The following CD86 variants were observed in gnomAD, a reference collection of about 807,000 sequenced individuals.
CD86 encodes the protein T-lymphocyte activation antigen CD86.
In CD86, 11 loss-of-function variants were observed where a neutral mutation model predicts 32.1. That is an observed-to-expected ratio of 0.34 (90% CI 0.22 to 0.57). CD86 has a LOEUF of 0.57. CD86 is among the 20% of genes least tolerant of loss of function. The pLI, the probability that CD86 is intolerant of heterozygous loss-of-function variation, is 0.86. For missense variants in CD86, 359 were observed against 398.4 expected (o/e 0.90, Z 0.84); for synonymous variants, 137 against 135.3 (o/e 1.01, Z -0.09).
intron 1 of CD86, among the ~76,000 whole-genome samples, chr3:122,076,526 A>G (rs1025880051): frequency 6.6e-6 from 1 of 152,200 alleles, no homozygotes; most frequent in African/African-American, 2.4e-5. Flanking sequence ...GAAATTTCCA[A>G]GGTCTGAACA....
In CD86 at chr3:122,091,746, C is replaced by T. The variant is rs1448170538; in HGVS notation, c.64+96C>T. On this transcript the variant is annotated intron_variant, in intron 2 of 6. Coordinates refer to ENST00000330540, the MANE Select transcript of CD86 (RefSeq NM_175862.5). ...CAGGCCTGAGACTTGGTGGGTTTTA[C>T]TCACTTTCTACTGAGCATTGTACAA... The T allele has an allele frequency of 4.1e-6, 4 of 975,146 alleles. No individual in the cohort carries two copies. The African/African-American group carries it at 4.8e-5, about 12-fold the overall frequency. The allele number at this position is 975,146 out of a possible 1,614,324, so 60.4% of individuals were successfully genotyped here.
Position 122,119,574 on chromosome 3 carries a change from C to T in CD86, c.*40C>T, listed in dbSNP as rs771106567. ...CCATACAAGTATTCATTTTTTCTAC[C>T]CTTTCCTTTGTAAGTTCCTGGGCAA... On this transcript the variant is annotated 3_prime_UTR_variant, in exon 7 of 7. Transcript: ENST00000330540. 8 of 1,293,564 alleles carry T rather than the reference C, an allele frequency of 6.2e-6. No individual in the cohort carries two copies. The highest frequency in any genetic ancestry group is 8.9e-6 in the Non-Finnish European group (8 of 898,848). 80.1% of individuals were successfully genotyped at this position (1,293,564 alleles called of 1,614,324 possible).
intron 4 of CD86, among the ~76,000 whole-genome samples, chr3:122,108,932 C>A (rs942015457): frequency 2.6e-5 from 4 of 152,320 alleles, no homozygotes; most frequent in East Asian, 1.9e-4. Flanking sequence ...AATGACTGCA[C>A]GTGCAGAGCC....
chr3:122,099,645 A>G (rs565374924), intron 2 of CD86, among the ~76,000 whole-genome samples: 3 of 152,322 alleles, frequency 2.0e-5, no homozygotes, highest in African/African-American at 7.2e-5. Flanking sequence ...GGGTGTGTTT[A>G]TTGAAGTTGT....
chr3:122,106,533 C>A, intron 4 of CD86, 33 bp downstream of exon 4: 1 of 1,543,936 alleles, frequency 6.5e-7, no homozygotes, highest in Non-Finnish European at 8.8e-7. Context: ...TTTCTTTCAG[C>A]AGGTATTATA....
At chr3:122,075,657 A>G (rs1448759637) in intron 1 of CD86, among the ~76,000 whole-genome samples, 1 of 152,186 alleles carries the variant, frequency 6.6e-6, no homozygotes, top group African/African-American at 2.4e-5. Flanking sequence ...GGTCCCTTAC[A>G]GTCCAGCAAC....
In CD86 at chr3:122,055,388, G is replaced by T; in HGVS notation, c.-102G>T. On this transcript the variant is annotated 5_prime_UTR_variant, in exon 1 of 7. It adds an upstream start codon to the 5' untranslated region. Coordinates refer to ENST00000330540, the MANE Select transcript of CD86 (RefSeq NM_175862.5). ...GTCATTGCCGAGGAAGGCTTGCACA[G>T]GGTGAAAGCTTTGCTTCTCTGCTGC... 2 of 1,152,862 alleles carry T rather than the reference G, an allele frequency of 1.7e-6. No individual in the cohort carries two copies. The highest frequency in any genetic ancestry group is 2.5e-5 in the South Asian group (2 of 80,358). The allele number at this position is 1,152,862 out of a possible 1,614,324, so 71.4% of individuals were successfully genotyped here. A position where few individuals can be genotyped will look rare whatever the true frequency, so the allele number is the denominator to read the frequency against.
chr3:122,078,922 T>A lies in CD86; in HGVS notation c.15-12679T>A, dbSNP rs78085937. On this transcript the variant is annotated intron_variant, in intron 1 of 6. Transcript: ENST00000330540. ...ATGTGCTCAGACTTGCAGTTCGTGT[T>A]ATGTCTGCTGCTGCAGATACCGTTA... Among the ~76,000 whole-genome samples, 68 of 152,362 alleles carry A rather than the reference T, an allele frequency of 4.5e-4. No individual in the cohort carries two copies. The East Asian group carries it at 0.013, about 29-fold the overall frequency.
chr3:122,080,307 G>A (rs139693560), intron 1 of CD86, among the ~76,000 whole-genome samples: 4 of 152,172 alleles, frequency 2.6e-5, no homozygotes, highest in Non-Finnish European at 5.9e-5. Flanking sequence ...AAAAAAAATC[G>A]TTCTCAAATT....
At chr3:122,069,789 C>G (rs2072464958) in intron 1 of CD86, among the ~76,000 whole-genome samples, 1 of 152,124 alleles carries the variant, frequency 6.6e-6, no homozygotes, top group African/African-American at 2.4e-5. Flanking sequence ...TGCCCTGTCT[C>G]CATCAGACCA....
intron 1 of CD86, among the ~76,000 whole-genome samples, chr3:122,062,210 G>C (rs187382352): frequency 4.6e-5 from 7 of 152,230 alleles, no homozygotes; most frequent in African/African-American, 1.7e-4. Flanking sequence ...GGGAGGGTTG[G>C]GAGTAATCAT....
Position 122,085,228 on chromosome 3 carries a change from G to A in CD86, c.15-6373G>A, listed in dbSNP as rs539828954. On this transcript the variant is annotated intron_variant, in intron 1 of 6. Coordinates refer to ENST00000330540, the MANE Select transcript of CD86 (RefSeq NM_175862.5). ...CTACATTTCTCCATATTGCTGTCAC[G>A]TATATCATAAGATACTCTGTCAGAA... Among the ~76,000 whole-genome samples the A allele has an allele frequency of 1.8e-3, 276 of 152,268 alleles. 6 individuals carry two copies. In the South Asian group the frequency reaches 0.038, roughly 21 times the overall value.
chr3:122,080,962 C>T (rs1034716110), intron 1 of CD86, among the ~76,000 whole-genome samples: 6 of 152,152 alleles, frequency 3.9e-5, no homozygotes, highest in Non-Finnish European at 5.9e-5. Flanking sequence ...CATCTCAAGT[C>T]GACGAGCCTG....
chr3:122,116,099 T>C (rs1359860304), intron 5 of CD86, among the ~76,000 whole-genome samples: 2 of 152,300 alleles, frequency 1.3e-5, no homozygotes, highest in African/African-American at 4.8e-5. Flanking sequence ...AGGCAAGTCT[T>C]CTTAGATAGG....
At chr3:122,078,667 A>G (rs1044561706) in intron 1 of CD86, among the ~76,000 whole-genome samples, 15 of 152,250 alleles carry the variant, frequency 9.9e-5, no homozygotes, top group African/African-American at 3.6e-4. Context: ...GTGATTGAAC[A>G]TAATGTGTTT....
chr3:122,111,735 A>C (rs912142681), intron 5 of CD86, among the ~76,000 whole-genome samples: 2 of 152,234 alleles, frequency 1.3e-5, no homozygotes, highest in East Asian at 1.9e-4. Flanking sequence ...CAAGAGACCA[A>C]TGTGGAAACA....
chr3:122,070,876 C>A (rs1357816597), intron 1 of CD86, among the ~76,000 whole-genome samples: 2 of 152,146 alleles, frequency 1.3e-5, no homozygotes, highest in African/African-American at 4.8e-5. Context: ...ACTAGTCTAG[C>A]AGCCCTCTAA....
intron 1 of CD86, among the ~76,000 whole-genome samples, chr3:122,059,800 T>A (rs2072299808): frequency 6.6e-6 from 1 of 151,418 alleles, no homozygotes; most frequent in African/African-American, 2.4e-5. Context: ...TTAAATGAGG[T>A]CATTAGGGTG....
intron 5 of CD86, among the ~76,000 whole-genome samples, chr3:122,115,865 G>T (rs1163588970): frequency 6.6e-6 from 1 of 151,276 alleles, no homozygotes; most frequent in African/African-American, 2.4e-5. Flanking sequence ...ATCAGTCAAT[G>T]GAACAAAATA....
Sources: gnomAD v4.1 joint callset for allele counts (sites outside exome capture counted in the v4.1 genomes callset) on GRCh38, gnomAD v4.1.1 for gene constraint, MANE v1.5 for transcripts, NCBI Gene and HGNC (gene_info 2026-07-23, HGNC 2026-07-21) for gene names.